Variants in TGFBR3 observed in about 807,000 individuals in gnomAD.
TGFBR3 encodes transforming growth factor beta receptor type 3.
TGFBR3 carries 46 observed loss-of-function variants against 87.9 expected under a neutral mutation model. The observed-to-expected ratio is 0.52, with a 90% CI of 0.41 to 0.67. TGFBR3 has a LOEUF of 0.67. TGFBR3 is among the 30% of genes least tolerant of loss of function. TGFBR3 has a pLI of 0.00. For missense variants in TGFBR3, 866 were observed against 1,041.9 expected, an observed-to-expected ratio of 0.83 and a Z score of 2.32; for synonymous variants, 381 against 391.6, an observed-to-expected ratio of 0.97 and a Z score of 0.32.
At chr1:91,783,454 A>G (rs545266087) in intron 3 of TGFBR3, among the ~76,000 whole-genome samples, 3 of 152,350 alleles carry the variant, frequency 2.0e-5, no homozygotes, top group African/African-American at 7.2e-5. Context: ...TGGACAGGAA[A>G]GCATGGAGAA....
chr1:91,714,646 T>A (rs954675118), intron 12 of TGFBR3, among the ~76,000 whole-genome samples: 3 of 152,112 alleles, frequency 2.0e-5, no homozygotes, highest in African/African-American at 7.2e-5. Context: ...AGGAGGAAGA[T>A]TGACCACTGA....
chr1:91,896,784 A>C (rs1170524651), intron 2 of TGFBR3, among the ~76,000 whole-genome samples: 1 of 152,154 alleles, frequency 6.6e-6, no homozygotes, highest in Admixed American at 6.5e-5. Flanking sequence ...ATTGCTGGAA[A>C]ACGCTGGCTA....
intron 6 of TGFBR3, among the ~76,000 whole-genome samples, chr1:91,728,306 C>G (rs1672618501): frequency 6.6e-6 from 1 of 151,830 alleles, no homozygotes; most frequent in Admixed American, 6.6e-5. Flanking sequence ...AAATAAGAGA[C>G]AAAAGGCTAA....
At chr1:91,801,977 GA>G (rs1675647585) in intron 2 of TGFBR3, among the ~76,000 whole-genome samples, 1 of 152,162 alleles carries the variant, frequency 6.6e-6, no homozygotes, top group Admixed American at 6.5e-5. Context: ...TAAGGGAGGG[GA>G]CAAAAAGTCC....
At chr1:91,761,948 T>C (rs955171847) in intron 3 of TGFBR3, among the ~76,000 whole-genome samples, 4 of 152,178 alleles carry the variant, frequency 2.6e-5, no homozygotes, top group African/African-American at 2.4e-5. Context: ...GAAGAAATGA[T>C]ACAAAGAGTA....
chr1:91,754,204 C>T (rs1214775731), intron 4 of TGFBR3, among the ~76,000 whole-genome samples: 2 of 145,860 alleles, frequency 1.4e-5, no homozygotes, highest in Non-Finnish European at 3.1e-5. Flanking sequence ...CAACTTCATA[C>T]TGTGGCTCTC....
intron 1 of TGFBR3, among the ~76,000 whole-genome samples, chr1:91,866,377 T>G (rs568682922): frequency 3.9e-5 from 6 of 152,166 alleles, no homozygotes; most frequent in Non-Finnish European, 7.3e-5. Context: ...TTTGGCACAA[T>G]GAGAGAAAAA....
intron 1 of TGFBR3, chr1:91,863,696 G>A (rs529620112): frequency 6.6e-6 from 1 of 152,318 alleles, no homozygotes; most frequent in East Asian, 1.9e-4. Context: ...AAGGAGATAA[G>A]CTAAAGAGTG....
intron 2 of TGFBR3, among the ~76,000 whole-genome samples, chr1:91,851,066 G>A (rs1677711613): frequency 6.6e-6 from 1 of 152,184 alleles, no homozygotes; most frequent in Non-Finnish European, 1.5e-5. Flanking sequence ...AACAAACAGA[G>A]TAACTTTAAA....
intron 7 of TGFBR3, among the ~76,000 whole-genome samples, chr1:91,726,393 A>G (rs1672550298): frequency 6.6e-6 from 1 of 152,106 alleles, no homozygotes; most frequent in Admixed American, 6.6e-5. Flanking sequence ...TAGGTCACCA[A>G]CACCCCTCAT....
intron 2 of TGFBR3, among the ~76,000 whole-genome samples, chr1:91,809,892 T>C (rs944299837): frequency 1.3e-5 from 2 of 152,146 alleles, no homozygotes; most frequent in African/African-American, 4.8e-5. Context: ...CCTTTCACAG[T>C]GAAGCTAAAA....
At chr1:91,702,773 G>A (rs896655535) in intron 14 of TGFBR3, among the ~76,000 whole-genome samples, 18 of 152,178 alleles carry the variant, frequency 1.2e-4, no homozygotes, top group South Asian at 2.1e-4. Context: ...GGCCGGGAGC[G>A]GTGGCTCAGG....
In TGFBR3 at chr1:91,871,946, A is replaced by C. The variant is rs559090417; in HGVS notation, c.-113-10302T>G. Among the ~76,000 whole-genome samples the C allele has an allele frequency of 8.5e-5, 13 of 152,328 alleles. 1 individual carries two copies. The highest frequency in any genetic ancestry group is 4.1e-4 in the South Asian group (2 of 4,828). ...GACTAACTAAATTAATAAATAAAGC[A>C]CTTACTTCCTAGTATGTTGTTAGAA... On this transcript the variant is annotated intron_variant, in intron 1 of 16. Coordinates refer to ENST00000212355, the MANE Select transcript of TGFBR3 (RefSeq NM_003243.5).
rs192259630 is a variant in TGFBR3 at position 91,720,531 on chromosome 1, A to G, written c.1076-301T>C. 1.7e-4 allele frequency among the ~76,000 whole-genome samples: 26 copies of G among 152,338 alleles called. No individual in the cohort carries two copies. The East Asian group carries it at 4.6e-3, about 27-fold the overall frequency. ...GTTCTTAACTTTGGCTACACATGAA[A>G]ATCACTTGGGAGCTTTAAAAAATAT... On this transcript the variant is annotated intron_variant, in intron 8 of 16. Coordinates refer to ENST00000212355, the MANE Select transcript of TGFBR3 (RefSeq NM_003243.5).
At chr1:91,700,928 T>G (rs1671598261) in intron 14 of TGFBR3, among the ~76,000 whole-genome samples, 1 of 152,148 alleles carries the variant, frequency 6.6e-6, no homozygotes, top group Non-Finnish European at 1.5e-5. Context: ...TCAAAGGCAT[T>G]TAAAGGTTGC....
At chr1:91,844,836 T>C (rs186496510) in intron 2 of TGFBR3, among the ~76,000 whole-genome samples, 1 of 152,368 alleles carries the variant, frequency 6.6e-6, no homozygotes, top group African/African-American at 2.4e-5. Flanking sequence ...CATAGTCTTT[T>C]GTCAGTACAA....
At chr1:91,859,016 C>T (rs1046312707) in intron 2 of TGFBR3, among the ~76,000 whole-genome samples, 15 of 151,276 alleles carry the variant, frequency 9.9e-5, no homozygotes, top group Non-Finnish European at 2.1e-4. Context: ...GATGGCACCA[C>T]TGCACTCCAG....
intron 4 of TGFBR3, among the ~76,000 whole-genome samples, chr1:91,739,326 C>G (rs752736833): frequency 6.6e-6 from 1 of 152,122 alleles, no homozygotes; most frequent in Admixed American, 6.5e-5. Context: ...ACCTAACCCC[C>G]CAAGGTCTTT....
At chr1:91,904,815 C>T (rs566776644) in intron 1 of TGFBR3, among the ~76,000 whole-genome samples, 34 of 151,982 alleles carry the variant, frequency 2.2e-4, no homozygotes, top group Non-Finnish European at 4.3e-4. Context: ...ATCCGCCCAC[C>T]TCGGCCTCCC....
Sources: allele counts gnomAD v4.1 joint callset (sites outside exome capture counted in the v4.1 genomes callset), GRCh38; gene constraint gnomAD v4.1.1; transcripts MANE v1.5; gene names NCBI Gene and HGNC (gene_info 2026-07-23, HGNC 2026-07-21).